The following MEP1A variants were observed in gnomAD, a reference collection of about 807,000 sequenced individuals.
The protein encoded by MEP1A is meprin A subunit alpha.
A neutral mutation model predicts 84.5 loss-of-function variants in MEP1A; 68 were observed. The ratio of observed to expected loss-of-function variants is 0.80; its 90% CI spans 0.66 to 0.98. The LOEUF is 0.98. Among genes scored for constraint, MEP1A ranks in the 50% least tolerant of loss-of-function variants. The pLI is 0.00. For synonymous variants in MEP1A, 337 were observed against 336.8 expected, an observed-to-expected ratio of 1.00 and a Z score of -0.01; for missense variants, 887 against 919.9, an observed-to-expected ratio of 0.96 and a Z score of 0.46.
intron 3 of MEP1A, among the ~76,000 whole-genome samples, chr6:46,795,298 T>C (rs1001652782): frequency 6.6e-6 from 1 of 152,106 alleles, no homozygotes; most frequent in African/African-American, 2.4e-5. Flanking sequence ...TTCTTTTTTC[T>C]CTTTTCTTTT....
intron 7 of MEP1A, among the ~76,000 whole-genome samples, chr6:46,824,878 T>C (rs1455769280): frequency 0.019 from 2,060 of 107,192 alleles, 268 homozygotes; most frequent in African/African-American, 0.032. Flanking sequence ...ATAGATCTAT[T>C]TAAATATATA....
At chr6:46,830,129 A>G (rs1768046706) in intron 10 of MEP1A, among the ~76,000 whole-genome samples, 2 of 151,810 alleles carry the variant, frequency 1.3e-5, no homozygotes, top group Non-Finnish European at 2.9e-5. Context: ...GCGCGCATGT[A>G]GTCCCAGCTA....
rs1767718809 is a variant in MEP1A, at chr6:46,819,568, C to T, written c.420C>T (p.Asn140=). The part of the protein sequence containing the change: ...SEVGDQHVGQ[N]ISIGQGCAYK... ...TTGGTGACCAACATGTGGGACAGAA[C>T]ATTTCCATTGGCCAAGGATGTGCCT... Residue 140 remains asparagine (N), a synonymous_variant, in exon 7 of 14, where the codon AAC becomes AAT. Coordinates refer to ENST00000230588, the MANE Select transcript of MEP1A (RefSeq NM_005588.3). The T allele has an allele frequency of 1.2e-6, 2 of 1,613,914 alleles. No individual in the cohort carries two copies. The highest frequency in any genetic ancestry group is 1.7e-6 in the Non-Finnish European group (2 of 1,179,906).
intron 13 of MEP1A, among the ~76,000 whole-genome samples, chr6:46,836,946 C>A (rs560079281): frequency 2.0e-5 from 3 of 151,990 alleles, no homozygotes; most frequent in Non-Finnish European, 4.4e-5. Flanking sequence ...TGATGTCAAC[C>A]TTCATTATCT....
chr6:46,799,437 C>A (rs142470574), intron 5 of MEP1A, among the ~76,000 whole-genome samples: 1 of 152,148 alleles, frequency 6.6e-6, no homozygotes, highest in African/African-American at 2.4e-5. Flanking sequence ...ACCAGGAGAA[C>A]ATAAAAGAGC....
chr6:46,835,288 G>T lies in MEP1A; in HGVS notation c.1823G>T (p.Gly608Val). The T allele has an allele frequency of 6.2e-7, 1 of 1,604,068 alleles. No homozygotes were observed. The highest frequency in any genetic ancestry group is 8.5e-7 in the Non-Finnish European group (1 of 1,175,626). Residue 608 changes from glycine to valine, a missense_variant, in exon 13 of 14, where the codon GGC becomes GTC. Gly to Val is a moderately radical substitution (Grantham distance 109). Coordinates refer to ENST00000230588, the MANE Select transcript of MEP1A (RefSeq NM_005588.3). ...AGCCAGACTGAAGTTCCCACTAAAG[G>T]CAAAAGACTGAGCCCCCAAGGCCTC... ...HLSQTEVPTKGKRLSPQGLIL... is the reference protein window; with the variant it reads ...HLSQTEVPTKVKRLSPQGLIL...
At chr6:46,799,576 C>T (rs1003214567) in intron 5 of MEP1A, among the ~76,000 whole-genome samples, 1 of 152,130 alleles carries the variant, frequency 6.6e-6, no homozygotes, top group East Asian at 1.9e-4. Flanking sequence ...ACAAGAGAAA[C>T]ATGCCACACT....
rs561969900 is a variant in MEP1A at position 46,794,082 on chromosome 6, A to AC, written c.145+369dup. On this transcript the variant is annotated intron_variant, in intron 3 of 13. Transcript: ENST00000230588. ...TGGTTATATTTAGTGGGGAAACAAA[A>AC]CCCAACCCCTCCACTGGCCCATCAT... Among the ~76,000 whole-genome samples the AC allele has an allele frequency of 1.6e-3, 237 of 152,304 alleles. 1 individual carries two copies. The highest frequency in any genetic ancestry group is 4.8e-3 in the African/African-American group (198 of 41,568).
intron 7 of MEP1A, among the ~76,000 whole-genome samples, chr6:46,824,004 C>T (rs1267992905): frequency 1.3e-5 from 2 of 152,144 alleles, no homozygotes; most frequent in Non-Finnish European, 2.9e-5. Context: ...CCTTGATTGG[C>T]AGGATCCCCT....
chr6:46,825,211 A>C, intron 7 of MEP1A, 61 bp from the exon 8 acceptor site: 1 of 1,083,724 alleles, frequency 9.2e-7, no homozygotes. Context: ...GTATCTAGTC[A>C]AAGAGTAGCA....
At chr6:46,810,612 AG>A (rs1467657336) in intron 6 of MEP1A, among the ~76,000 whole-genome samples, 1 of 152,098 alleles carries the variant, frequency 6.6e-6, no homozygotes, top group Non-Finnish European at 1.5e-5. Context: ...CTTAGATTTA[AG>A]TCTTTGATCC....
At position 46,833,307 on chromosome 6, in the gene MEP1A, T is replaced by C; in HGVS notation, c.1378T>C (p.Tyr460His). Residue 460 changes from tyrosine (Y) to histidine (H), a missense_variant, in exon 11 of 14, where the codon TAC becomes CAC. Physicochemically the swap from Tyr to His is moderately conservative, Grantham distance 83. Transcript: ENST00000230588. ...KGDKLQSPRF[Y>H]NSEGYGFGVT... ...GGACAAGCTTCAGAGCCCTCGATTC[T>C]ACAATTCGGAGGGATATGGTTTTGG... 1 of 1,614,230 alleles carries C rather than the reference T, an allele frequency of 6.2e-7. No individual in the cohort carries two copies. The highest frequency in any genetic ancestry group is 1.1e-5 in the South Asian group (1 of 91,080).
At chr6:46,819,791 C>A in intron 7 of MEP1A, 87 bp downstream of exon 7, 2 of 1,373,034 alleles carry the variant, frequency 1.5e-6, no homozygotes, top group Admixed American at 1.9e-5. Context: ...TGGACAGGAG[C>A]TTCAGCCTCT....
intron 13 of MEP1A, among the ~76,000 whole-genome samples, chr6:46,837,187 T>C (rs1451551176): frequency 6.6e-6 from 1 of 152,226 alleles, no homozygotes; most frequent in African/African-American, 2.4e-5. Context: ...TATAATCTCC[T>C]GTAAAGAAGA....
chr6:46,807,706 AAAC>A (rs1305638434), intron 5 of MEP1A, among the ~76,000 whole-genome samples: 14 of 148,186 alleles, frequency 9.4e-5, no homozygotes, highest in Middle Eastern at 3.5e-3. Context: ...GAGAAGGAAA[AAAC>A]AAGAAGAAGA....
intron 13 of MEP1A, 76 bp downstream of exon 13, chr6:46,835,625 C>A: frequency 4.7e-6 from 7 of 1,493,928 alleles, no homozygotes; most frequent in Non-Finnish European, 6.4e-6. Flanking sequence ...GTAAAGGCTG[C>A]TGTTTGCAGA....
downstream of MEP1A, among the ~76,000 whole-genome samples, chr6:46,843,745 T>C (rs1354898102): frequency 6.6e-6 from 1 of 152,214 alleles, no homozygotes; most frequent in Non-Finnish European, 1.5e-5. Context: ...TCTCACACCT[T>C]CCCTTCTTGA....
At chr6:46,812,832 C>T (rs930726999) in intron 6 of MEP1A, among the ~76,000 whole-genome samples, 1 of 151,806 alleles carries the variant, frequency 6.6e-6, no homozygotes, top group Non-Finnish European at 1.5e-5. Context: ...TGAGAGTGTA[C>T]TTGATATAAT....
intron 5 of MEP1A, among the ~76,000 whole-genome samples, chr6:46,802,443 ATTTACTCATTAAT>A (rs1324832254): frequency 6.6e-6 from 1 of 151,880 alleles, no homozygotes; most frequent in East Asian, 1.9e-4. Flanking sequence ...ACCTTGCTAA[ATTTACTCATTAAT>A]TTTAATTGTT....
Sources: gnomAD v4.1 joint callset for allele counts (sites outside exome capture counted in the v4.1 genomes callset) on GRCh38, gnomAD v4.1.1 for gene constraint, MANE v1.5 for transcripts, NCBI Gene and HGNC (gene_info 2026-07-23, HGNC 2026-07-21) for gene names.